RABGAP1: variants seen among roughly 807,000 people sequenced by gnomAD.
The protein encoded by RABGAP1 is RAB GTPase activating protein 1.
Under a neutral mutation model 137.6 loss-of-function variants are expected in RABGAP1, and 23 were observed. The ratio of observed to expected loss-of-function variants is 0.17; its 90% CI spans 0.12 to 0.24. The LOEUF is 0.24. Ranked by LOEUF, RABGAP1 falls within the 10% of genes least tolerant of loss-of-function variation. RABGAP1 has a pLI of 1.00. For synonymous variants in RABGAP1, 451 were observed against 450.7 expected (o/e 1.00, Z -0.01); for missense variants, 906 against 1,275.8 (o/e 0.71, Z 4.42).
chr9:122,952,696 AC>A (rs1834317744), intron 1 of RABGAP1, among the ~76,000 whole-genome samples: 1 of 152,110 alleles, frequency 6.6e-6, no homozygotes, highest in African/African-American at 2.4e-5. Context: ...GGATCACACT[AC>A]CACATTCCAG....
In RABGAP1 at chr9:122,984,497, G is replaced by A; in HGVS notation, c.163G>A (p.Gly55Arg). Residue 55 changes from glycine to arginine, a missense_variant, in exon 3 of 26, where the codon GGA (glycine) becomes AGA (arginine). Physicochemically the swap from Gly to Arg is moderately radical, Grantham distance 125. This residue lies in a region of RABGAP1 where 331 missense variants were observed against 358.3 expected (regional missense o/e 0.92). Coordinates refer to ENST00000373647, the MANE Select transcript of RABGAP1 (RefSeq NM_012197.4). The stretch of plus-strand genomic sequence containing the variant: ...TTGTGACCCTTAGATTGTAGGGAAT[G>A]GAAGTGAACAGCAGCTGCAAAAAGA... The part of the protein sequence containing the change: ...EKTGLKIVGN[G>R]SEQQLQKELA... 1 of 1,613,838 alleles carries A rather than the reference G, an allele frequency of 6.2e-7. No homozygotes were observed.
chr9:122,957,937 G>T, intron 2 of RABGAP1, among the ~76,000 whole-genome samples: 1 of 146,804 alleles, frequency 6.8e-6, no homozygotes, highest in South Asian at 2.1e-4. Context: ...TTTGTCATGT[G>T]CTCAACAGCA....
intron 13 of RABGAP1, chr9:123,034,473 T>C: frequency 1.3e-6 from 1 of 771,328 alleles, no homozygotes; most frequent in Admixed American, 2.2e-5. Context: ...ATTACACACA[T>C]GCAAAGCTGA....
intron 1 of RABGAP1, among the ~76,000 whole-genome samples, chr9:122,950,377 CTTTTTT>C (rs200424486): frequency 0.016 from 1,182 of 74,586 alleles, 15 homozygotes; most frequent in African/African-American, 0.052. Context: ...CTTTTTCTTT[CTTTTTT>C]TTTTTTTTTT....
chr9:122,941,886 C>T (rs1042041840), intron 1 of RABGAP1, among the ~76,000 whole-genome samples: 3 of 152,216 alleles, frequency 2.0e-5, no homozygotes, highest in Non-Finnish European at 4.4e-5. Context: ...TTTGGTTACT[C>T]GAGAATTCTT....
At chr9:122,988,021 CT>C (rs1299662523) in intron 4 of RABGAP1, among the ~76,000 whole-genome samples, 1 of 152,080 alleles carries the variant, frequency 6.6e-6, no homozygotes, top group Non-Finnish European at 1.5e-5. Flanking sequence ...AATTTTTCCC[CT>C]TAAGTATTTA....
intron 13 of RABGAP1, among the ~76,000 whole-genome samples, chr9:123,039,830 C>T (rs2032864833): frequency 6.6e-6 from 1 of 152,162 alleles, no homozygotes; most frequent in Non-Finnish European, 1.5e-5. Context: ...ATGAAAGAAA[C>T]TTCCTATGTG....
intron 13 of RABGAP1, among the ~76,000 whole-genome samples, chr9:123,024,535 G>A (rs1476477117): frequency 6.6e-6 from 1 of 151,974 alleles, no homozygotes; most frequent in Non-Finnish European, 1.5e-5. Context: ...CGCCTCCCGG[G>A]TTCAAACGAT....
chr9:123,040,162 C>T (rs959253925), intron 13 of RABGAP1, among the ~76,000 whole-genome samples: 1 of 152,178 alleles, frequency 6.6e-6, no homozygotes, highest in Admixed American at 6.5e-5. Flanking sequence ...CTGTGATTAT[C>T]TGTCTTCCAG....
chr9:123,010,812 G>A (rs886622372), intron 11 of RABGAP1, among the ~76,000 whole-genome samples: 3 of 151,878 alleles, frequency 2.0e-5, no homozygotes, highest in Admixed American at 6.6e-5. Context: ...TTTTTTTTTA[G>A]AACAAGTTTG....
intron 13 of RABGAP1, among the ~76,000 whole-genome samples, chr9:123,047,931 T>G (rs1047357278): frequency 5.5e-5 from 4 of 72,124 alleles, no homozygotes; most frequent in Admixed American, 1.7e-4. Context: ...TTTTTTTTTT[T>G]TTTTTTTTTT....
rs114252013 is a variant in RABGAP1, at chr9:122,991,647, G to A, written c.923+1434G>A. 2.4e-3 allele frequency among the ~76,000 whole-genome samples: 356 copies of A among 148,488 alleles called. 1 individual carries two copies. Among genetic ancestry groups the A allele is most frequent in the African/African-American group, 8.5e-3 (337 of 39,486 alleles). ...GAGATACGCCTCACGCTGTTGCTCAGGCTTGAATGCAATGGTACAAACATG... is the reference window on the plus strand; with the variant it reads ...GAGATACGCCTCACGCTGTTGCTCAAGCTTGAATGCAATGGTACAAACATG... On this transcript the variant is annotated intron_variant, in intron 6 of 25. Transcript: ENST00000373647.
At chr9:123,034,207 C>T (rs2032475802) in intron 13 of RABGAP1, 2 of 268,646 alleles carry the variant, frequency 7.4e-6, no homozygotes, top group East Asian at 1.5e-4. Flanking sequence ...CCTGCTGAAG[C>T]TCCTAATCTT....
chr9:122,998,354 G>A (rs1837147676), intron 9 of RABGAP1, among the ~76,000 whole-genome samples: 1 of 152,060 alleles, frequency 6.6e-6, no homozygotes, highest in Admixed American at 6.6e-5. Flanking sequence ...TTGGTCTCCT[G>A]ATGACAGTAC....
At chr9:122,985,726 G>A (rs1447887652) in intron 3 of RABGAP1, among the ~76,000 whole-genome samples, 1 of 151,994 alleles carries the variant, frequency 6.6e-6, no homozygotes, top group Non-Finnish European at 1.5e-5. Context: ...AATTAGAAGA[G>A]GCAGAAAGGT....
At chr9:123,083,188 C>G (rs1210829710) in intron 19 of RABGAP1, among the ~76,000 whole-genome samples, 1 of 152,160 alleles carries the variant, frequency 6.6e-6, no homozygotes, top group East Asian at 1.9e-4. Flanking sequence ...TTCTTATGGG[C>G]ATTCTGCTTT....
chr9:122,959,605 GA>G (rs1290372604), intron 2 of RABGAP1, among the ~76,000 whole-genome samples: 1 of 152,190 alleles, frequency 6.6e-6, no homozygotes, highest in Non-Finnish European at 1.5e-5. Context: ...AATTTGGTCA[GA>G]GGGGCAAGAA....
chr9:122,940,983 T>A (rs1833508695), upstream of RABGAP1: 1 of 37,896 alleles, frequency 2.6e-5, no homozygotes, highest in Non-Finnish European at 5.5e-5. Context: ...GAAGTCGCTC[T>A]CACGTGAGTA....
chr9:122,945,163 T>TTTTTTTTTTTTTTTTTC (rs1833881317), intron 1 of RABGAP1, among the ~76,000 whole-genome samples: 1 of 144,132 alleles, frequency 6.9e-6, no homozygotes, highest in African/African-American at 2.6e-5. Context: ...TTTTTTTTTT[T>TTTTTTTTTTTTTTTTTC]AGCATAAACT....
Sources: gnomAD v4.1 joint callset for allele counts (sites outside exome capture counted in the v4.1 genomes callset) on GRCh38, gnomAD v4.1.1 for gene constraint, gnomAD v4.1.1 regional missense constraint, MANE v1.5 for transcripts, NCBI Gene and HGNC (gene_info 2026-07-23, HGNC 2026-07-21) for gene names.